Variants in GUCY2F observed in about 807,000 individuals in gnomAD.
GUCY2F encodes guanylate cyclase 2F, retinal.
A neutral mutation model predicts 73.1 loss-of-function variants in GUCY2F; 61 were observed. The observed-to-expected ratio is 0.83, with a 90% CI of 0.68 to 1.03. The LOEUF is 1.03. GUCY2F is among the 50% of genes least tolerant of loss of function. GUCY2F has a pLI of 0.00. For synonymous variants in GUCY2F, 331 were observed against 307.8 expected (o/e 1.08, Z -0.79); for missense variants, 912 against 854.3 (o/e 1.07, Z -0.84).
chrX:109,457,371 A>G lies in GUCY2F; in HGVS notation c.1033-3512T>C, dbSNP rs147323382. ...TTTATCCTCAGAAGTGTACATTAAA[A>G]CATGCCTAGCTTGAAAAGCCATCAC... On this transcript the variant is annotated intron_variant, in intron 3 of 19. Coordinates refer to ENST00000218006, the MANE Select transcript of GUCY2F (RefSeq NM_001522.3). Among the ~76,000 whole-genome samples, 3 of 111,949 alleles carry G rather than the reference A, an allele frequency of 2.7e-5. No homozygotes were observed. The East Asian group carries it at 8.4e-4, about 31-fold the overall frequency.
chrX:109,424,920 C>G (rs185226722), intron 8 of GUCY2F, among the ~76,000 whole-genome samples: 101 of 110,854 alleles, frequency 9.1e-4, no homozygotes, highest in African/African-American at 3.2e-3. Context: ...ATGCCCACCA[C>G]CACACTCAGC....
chrX:109,424,635 G>A (rs916733049), intron 8 of GUCY2F, among the ~76,000 whole-genome samples: 7 of 111,313 alleles, frequency 6.3e-5, no homozygotes, highest in Non-Finnish European at 1.3e-4. Context: ...GTTAATAGTG[G>A]GAGAGGCTGT....
At chrX:109,427,917 TAG>T (rs1369312633) in intron 8 of GUCY2F, among the ~76,000 whole-genome samples, 1 of 112,060 alleles carries the variant, frequency 8.9e-6, no homozygotes, top group Non-Finnish European at 1.9e-5. Context: ...GGATTAGAAT[TAG>T]AGAGTTTAGT....
intron 3 of GUCY2F, among the ~76,000 whole-genome samples, chrX:109,462,474 T>C (rs1342850058): frequency 4.4e-5 from 5 of 112,496 alleles, no homozygotes; most frequent in Non-Finnish European, 5.6e-5. Flanking sequence ...TACAAATGCA[T>C]CCAAACAGGC....
chrX:109,407,564 C>A (rs1239234586), intron 9 of GUCY2F, among the ~76,000 whole-genome samples: 1 of 113,081 alleles, frequency 8.8e-6, no homozygotes, highest in Non-Finnish European at 1.9e-5. Flanking sequence ...CAGGCCACAT[C>A]AGAGACCTTC....
chrX:109,475,197 A>G lies in GUCY2F; in HGVS notation c.730+10T>C, dbSNP rs1245656642. 1 of 1,191,563 alleles carries G rather than the reference A, an allele frequency of 8.4e-7. No individual in the cohort carries two copies. Among genetic ancestry groups the G allele is most frequent in the South Asian group, 1.9e-5 (1 of 54,038 alleles). On this transcript the variant is annotated intron_variant, in intron 2 of 19. Transcript: ENST00000218006. Reference sequence around the variant, plus strand: ...GTCACGTTTAAATTTCAGCGGGAGAAAGCACTCACTGCGAATTCTGTCTGC... The same window carrying G: ...GTCACGTTTAAATTTCAGCGGGAGAGAGCACTCACTGCGAATTCTGTCTGC...
At chrX:109,434,648 A>G (rs1462648535) in intron 7 of GUCY2F, among the ~76,000 whole-genome samples, 4 of 109,681 alleles carry the variant, frequency 3.6e-5, no homozygotes, top group Non-Finnish European at 7.6e-5. Flanking sequence ...CCATTTGTCA[A>G]TTTTGGCTTT....
intron 8 of GUCY2F, among the ~76,000 whole-genome samples, chrX:109,412,781 C>G (rs1173612087): frequency 8.9e-6 from 1 of 111,875 alleles, no homozygotes; most frequent in African/African-American, 3.2e-5. Flanking sequence ...ATGCCCCTTC[C>G]TCTAGGCAAT....
At chrX:109,397,430 TTC>T (rs768615692) in intron 11 of GUCY2F, among the ~76,000 whole-genome samples, 2 of 112,079 alleles carry the variant, frequency 1.8e-5, no homozygotes, top group South Asian at 7.6e-4. Context: ...TAGTTTTTCT[TTC>T]TTTTTCATTT....
intron 5 of GUCY2F, among the ~76,000 whole-genome samples, chrX:109,451,178 A>G: frequency 8.9e-6 from 1 of 111,938 alleles, no homozygotes; most frequent in Admixed American, 9.5e-5. Context: ...AGAGGGTCCA[A>G]GTGTTAAAAT....
chrX:109,385,823 A>G (rs1418067142), intron 15 of GUCY2F, among the ~76,000 whole-genome samples: 2 of 112,298 alleles, frequency 1.8e-5, no homozygotes, highest in African/African-American at 6.5e-5. Context: ...GATATTTTGC[A>G]TTTAGCATTT....
intron 1 of GUCY2F, among the ~76,000 whole-genome samples, chrX:109,476,771 T>TAGAC (rs796585437): frequency 9.7e-4 from 92 of 95,180 alleles, no homozygotes; most frequent in African/African-American, 1.5e-3. Context: ...GATAGATAGA[T>TAGAC]AGACAGACTA....
In GUCY2F at chrX:109,404,486, T is replaced by C; in HGVS notation, c.1969-2A>G. ...TCTGTGGTGTAAGTACTTCATGCCC[T>C]GTAGATGACACAACAGGATTTATTT... On this transcript the variant is annotated splice_acceptor_variant, in intron 9 of 19. Coordinates refer to ENST00000218006, the MANE Select transcript of GUCY2F (RefSeq NM_001522.3). LOFTEE classifies it high-confidence loss of function. The C allele has an allele frequency of 8.6e-7, 1 of 1,161,967 alleles. No individual in the cohort carries two copies. Among genetic ancestry groups the C allele is most frequent in the South Asian group, 1.9e-5 (1 of 52,669 alleles).
At chrX:109,466,471 G>T (rs746642971) in intron 2 of GUCY2F, among the ~76,000 whole-genome samples, 4 of 111,628 alleles carry the variant, frequency 3.6e-5, no homozygotes, top group South Asian at 3.7e-4. Context: ...GTTTGGCAAG[G>T]TTATGCTAGA....
rs1271199346 is a variant in GUCY2F at position 109,452,014 on chromosome X, A to G, written c.1472+9T>C. The G allele has an allele frequency of 2.3e-6, 2 of 888,731 alleles. No homozygotes were observed. Among genetic ancestry groups the G allele is most frequent in the South Asian group, 2.0e-5 (1 of 50,073 alleles). The allele number at this position is 888,731 out of a possible 1,213,427, so 73.2% of individuals were successfully genotyped here. On this transcript the variant is annotated intron_variant, in intron 5 of 19. Transcript: ENST00000218006. ...TATTTTTTATATACAAAAATAACAA[A>G]AAATGTACCTTATAAAGTAAGCAAA...
chrX:109,462,060 C>CTT (rs1460123720), intron 3 of GUCY2F, among the ~76,000 whole-genome samples: 1 of 112,720 alleles, frequency 8.9e-6, no homozygotes, highest in Non-Finnish European at 1.9e-5. Flanking sequence ...AAGATTGTAA[C>CTT]TTAGATGCTA....
At chrX:109,466,797 A>G (rs1186518218) in intron 2 of GUCY2F, among the ~76,000 whole-genome samples, 1 of 112,195 alleles carries the variant, frequency 8.9e-6, no homozygotes, top group Non-Finnish European at 1.9e-5. Flanking sequence ...AACTACATTC[A>G]ATGACTTGTC....
intron 3 of GUCY2F, among the ~76,000 whole-genome samples, chrX:109,456,447 C>T (rs2076877107): frequency 9.0e-6 from 1 of 111,614 alleles, no homozygotes; most frequent in Non-Finnish European, 1.9e-5. Flanking sequence ...AAAGAAACTG[C>T]ATCTACCTAC....
At position 109,448,108 on chromosome X, in the gene GUCY2F, C is replaced by A; in HGVS notation, c.1530G>T (p.Leu510Phe). The A allele has an allele frequency of 8.8e-7, 1 of 1,135,258 alleles. No homozygotes were observed. Among genetic ancestry groups the A allele is most frequent in the Non-Finnish European group, 1.2e-6 (1 of 826,596 alleles). 93.6% of individuals were successfully genotyped at this position (1,135,258 alleles called of 1,213,427 possible). A position where few individuals can be genotyped will look rare whatever the true frequency, so the allele number is the denominator to read the frequency against. ...IKGPNRILLTLEDVTFINPHF... is the reference protein window; with the variant it reads ...IKGPNRILLTFEDVTFINPHF... ...GGGGATTGATAAACGTTACATCCTC[C>A]AAAGTCAGTAGAATTCTATTGGGTC... is the stretch of plus-strand genomic sequence containing the variant. The change falls in exon 6 of 20, where the codon TTG (leucine) becomes TTT (phenylalanine). Residue 510 changes from leucine to phenylalanine, a missense_variant. Coordinates refer to ENST00000218006, the MANE Select transcript of GUCY2F (RefSeq NM_001522.3).
Sources: allele counts gnomAD v4.1 joint callset (sites outside exome capture counted in the v4.1 genomes callset), GRCh38; gene constraint gnomAD v4.1.1; transcripts MANE v1.5; gene names NCBI Gene and HGNC (gene_info 2026-07-23, HGNC 2026-07-21).